Variants in EPS8L1 observed in about 807,000 individuals in gnomAD.
The protein encoded by EPS8L1 is EPS8 signaling adaptor L1, also known as epidermal growth factor receptor kinase substrate 8-like protein 1.
In EPS8L1, 101 loss-of-function variants were observed where a neutral mutation model predicts 91.7. That is an observed-to-expected ratio of 1.10 (90% CI 0.94 to 1.30). The LOEUF (loss-of-function observed/expected upper bound fraction) is 1.30. EPS8L1 is among the 50% of genes most tolerant of loss of function. The pLI is 0.00. For missense variants in EPS8L1, 1,114 were observed against 1,017.0 expected (o/e 1.10, Z -1.30); for synonymous variants, 506 against 445.3 (o/e 1.14, Z -1.72).
chr19:55,082,239 G>A (rs370263139), intron 10 of EPS8L1, 36 bp from the exon 11 acceptor site: 10 of 1,601,638 alleles, frequency 6.2e-6, no homozygotes, highest in Non-Finnish European at 8.5e-6. Flanking sequence ...TCCCGTCCCC[G>A]CACCCACGCC....
Position 55,080,787 on chromosome 19 carries a change from GAGGACATCC to G in EPS8L1, c.449_457del (p.Asp150_Gln152del). On this transcript the variant is annotated inframe_deletion, in exon 7 of 20. Coordinates refer to ENST00000201647, the MANE Select transcript of EPS8L1 (RefSeq NM_133180.3). Reference sequence around the variant, plus strand: ...TGATTGGCAGGCGGAGCTGATCCGAGAGGACATCCAGGGGGCTCTGCACAATTACCGCTC... The same window carrying G: ...TGATTGGCAGGCGGAGCTGATCCGAGAGGGGGCTCTGCACAATTACCGCTC... The G allele has an allele frequency of 6.2e-7, 1 of 1,610,654 alleles. No homozygotes were observed. Among genetic ancestry groups the G allele is most frequent in the Non-Finnish European group, 8.5e-7 (1 of 1,178,658 alleles).
At chr19:55,076,846 G>A (rs778052025) in intron 2 of EPS8L1, among the ~76,000 whole-genome samples, 3 of 152,222 alleles carry the variant, frequency 2.0e-5, no homozygotes, top group African/African-American at 4.8e-5. Flanking sequence ...CATAGGAGTC[G>A]CTATTGCGAT....
intron 18 of EPS8L1, 109 bp downstream of exon 18, chr19:55,086,997 C>A: frequency 7.4e-7 from 1 of 1,346,408 alleles, no homozygotes; most frequent in Non-Finnish European, 9.7e-7. Context: ...CACAGGGAGC[C>A]GGGATTAGCC....
chr19:55,076,231 A>G, intron 1 of EPS8L1, 177 bp from the exon 2 acceptor site: 1 of 438,428 alleles, frequency 2.3e-6, no homozygotes, highest in Non-Finnish European at 4.0e-6. Flanking sequence ...TCCTGGGTCT[A>G]GGGAAGAGGG....
rs1453160657 is a variant in EPS8L1, at chr19:55,079,716, G to A, written c.144G>A (p.Glu48=). The change falls in exon 5 of 20, where the codon GAG becomes GAA. Residue 48 remains glutamate, a synonymous_variant. Transcript: ENST00000201647. The stretch of plus-strand genomic sequence containing the variant: ...ACCTGGTGACGTTCTGCCTGGGTGA[G>A]GACGATGGCGTGCATACCGTGGAGG... ...VNHLVTFCLG[E]DDGVHTVEDA... is the part of the protein sequence containing the mutation. 1 of 1,614,136 alleles carries A rather than the reference G, an allele frequency of 6.2e-7. No individual in the cohort carries two copies. The highest frequency in any genetic ancestry group is 2.2e-5 in the East Asian group (1 of 44,884).
chr19:55,087,478 TGAC>T (rs750994668), intron 19 of EPS8L1, 43 bp downstream of exon 19: 5 of 1,613,924 alleles, frequency 3.1e-6, no homozygotes, highest in Non-Finnish European at 3.4e-6. Flanking sequence ...AGGGTTGGGA[TGAC>T]GAGGGCTCGG....
Position 55,087,714 on chromosome 19 carries a change from A to C in EPS8L1, c.*100A>C. On this transcript the variant is annotated 3_prime_UTR_variant, in exon 20 of 20. Coordinates refer to ENST00000201647, the MANE Select transcript of EPS8L1 (RefSeq NM_133180.3). Reference sequence around the variant, plus strand: ...GAAGTCGATCTTCTGAAGGATGGCCAATCTGCTCCGGCCCTGGTCTTCCCC... The same window carrying C: ...GAAGTCGATCTTCTGAAGGATGGCCCATCTGCTCCGGCCCTGGTCTTCCCC... 2.4e-6 allele frequency: 3 copies of C among 1,246,008 alleles called. No homozygotes were observed. The highest frequency in any genetic ancestry group is 1.2e-6 in the Non-Finnish European group (1 of 867,464). 77.2% of individuals were successfully genotyped at this position (1,246,008 alleles called of 1,614,324 possible).
Position 55,085,822 on chromosome 19 carries a change from C to T in EPS8L1, c.1386-19C>T. 6.2e-7 allele frequency: 1 copy of T among 1,606,372 alleles called. No homozygotes were observed. Among genetic ancestry groups the T allele is most frequent in the Non-Finnish European group, 8.5e-7 (1 of 1,175,100 alleles). Reference sequence around the variant, plus strand: ...GGGCTGGCTGCCTCCTTATCTCCAACCCTCCCGCTTCTCCTCAGTCACCGA... The same window carrying T: ...GGGCTGGCTGCCTCCTTATCTCCAATCCTCCCGCTTCTCCTCAGTCACCGA... On this transcript the variant is annotated intron_variant, in intron 14 of 19. Coordinates refer to ENST00000201647, the MANE Select transcript of EPS8L1 (RefSeq NM_133180.3).
intron 4 of EPS8L1, 91 bp downstream of exon 4, chr19:55,079,148 G>A (rs1051738562): frequency 3.0e-6 from 4 of 1,355,284 alleles, no homozygotes; most frequent in Non-Finnish European, 2.1e-6. Context: ...AGGCCCCCAA[G>A]CAGGAAGCAT....
Position 55,086,926 on chromosome 19 carries a change from C to A in EPS8L1, c.1952+38C>A, listed in dbSNP as rs540410981. The A allele has an allele frequency of 6.4e-4, 905 of 1,405,890 alleles. 4 individuals are homozygous for A. Among genetic ancestry groups the A allele is most frequent in the Admixed American group, 2.1e-3 (60 of 28,640 alleles). The allele number at this position is 1,405,890 out of a possible 1,614,324, so 87.1% of individuals were successfully genotyped here. A position where few individuals can be genotyped will look rare whatever the true frequency, so the allele number is the denominator to read the frequency against. ...GGGGCCCTCTCGGCGCGGGTTGATACGGACGCTGGGAGCGGAGCGTTCCGA... is the reference window on the plus strand; with the variant it reads ...GGGGCCCTCTCGGCGCGGGTTGATAAGGACGCTGGGAGCGGAGCGTTCCGA... On this transcript the variant is annotated intron_variant, in intron 18 of 19. Transcript: ENST00000201647.
Position 55,081,932 on chromosome 19 carries a change from C to T in EPS8L1, c.901+33C>T, listed in dbSNP as rs908563456. On this transcript the variant is annotated intron_variant, in intron 9 of 19. Coordinates refer to ENST00000201647, the MANE Select transcript of EPS8L1 (RefSeq NM_133180.3). This position sits in a 1 kb window ranked among gnomAD's most constrained non-coding sequence, Gnocchi z 4.9. ...GCACCCTGGCGTGGGATCTGAACCC[C>T]CTCCCGATCTCTTCCAAATGTCCCC... is the stretch of plus-strand genomic sequence containing the variant. 1 of 1,596,974 alleles carries T rather than the reference C, an allele frequency of 6.3e-7. No homozygotes were observed. The highest frequency in any genetic ancestry group is 8.5e-7 in the Non-Finnish European group (1 of 1,171,240).
At position 55,080,293 on chromosome 19, in the gene EPS8L1, T is replaced by C. The variant is rs1398010132; in HGVS notation, c.429+15T>C. 2.6e-6 allele frequency: 4 copies of C among 1,533,834 alleles called. No individual in the cohort carries two copies. The highest frequency in any genetic ancestry group is 4.0e-5 in the Admixed American group (2 of 49,940). On this transcript the variant is annotated intron_variant, in intron 6 of 19. Coordinates refer to ENST00000201647, the MANE Select transcript of EPS8L1 (RefSeq NM_133180.3). Reference sequence around the variant, plus strand: ...TGCGCCTCGGGGTGAGCAGATGGGCTGGCTCTGGGGGTGGAGCTGGAACTG... The same window carrying C: ...TGCGCCTCGGGGTGAGCAGATGGGCCGGCTCTGGGGGTGGAGCTGGAACTG...
chr19:55,083,783 T>TGGGGC lies in EPS8L1; in HGVS notation c.1385+143_1385+147dup, dbSNP rs1568794436. ...TCTTCTCAGGTGGGTGAGATGGTGA[T>TGGGGC]GGGGCGGGCCGGGGCTGGGAGAGAG... On this transcript the variant is annotated intron_variant, in intron 14 of 19. Transcript: ENST00000201647. This position sits in a 1 kb window ranked among gnomAD's most constrained non-coding sequence, Gnocchi z 4.7. The TGGGGC allele has an allele frequency of 7.9e-6, 2 of 254,334 alleles. No individual in the cohort carries two copies. Among genetic ancestry groups the TGGGGC allele is most frequent in the East Asian group, 4.4e-4 (2 of 4,588 alleles). The allele number at this position is 254,334 out of a possible 1,614,324, so 15.8% of individuals were successfully genotyped here.
chr19:55,077,867 G>T (rs887802896), intron 2 of EPS8L1, among the ~76,000 whole-genome samples: 1 of 150,514 alleles, frequency 6.6e-6, no homozygotes, highest in African/African-American at 2.4e-5. Flanking sequence ...GATTACAGGC[G>T]TGAGCCACCG....
At chr19:55,084,211 C>T (rs192470085) in intron 14 of EPS8L1, 5 of 173,884 alleles carry the variant, frequency 2.9e-5, no homozygotes, top group Admixed American at 1.7e-4. Context: ...AAAGGCTGGA[C>T]GATTAAACTC....
chr19:55,086,355 C>A, intron 16 of EPS8L1, 37 bp from the exon 17 acceptor site: 1 of 1,599,010 alleles, frequency 6.3e-7, no homozygotes. Flanking sequence ...TCTGAGTCCT[C>A]TCCCTAACCC....
At chr19:55,079,339 G>C (rs1468496283) in intron 4 of EPS8L1, among the ~76,000 whole-genome samples, 1 of 152,202 alleles carries the variant, frequency 6.6e-6, no homozygotes, top group Non-Finnish European at 1.5e-5. Context: ...GGAAGGGGTA[G>C]ACAAGGTCCA....
chr19:55,087,253 C>G (rs766827654), intron 18 of EPS8L1, 50 bp from the exon 19 acceptor site: 1 of 1,547,572 alleles, frequency 6.5e-7, no homozygotes, highest in Non-Finnish European at 8.7e-7. Context: ...ATTGTCCGGG[C>G]TGGGGCATCC....
At position 55,076,393 on chromosome 19, in the gene EPS8L1, T is replaced by C; in HGVS notation, c.-37-15T>C. On this transcript the variant is annotated splice_polypyrimidine_tract_variant and intron_variant, in intron 1 of 19. Coordinates refer to ENST00000201647, the MANE Select transcript of EPS8L1 (RefSeq NM_133180.3). ...CTCCTACTGGCCAGGCCTTCACATGTTTGCTGGCTCCCAGGGCACCTCCAG... is the reference window on the plus strand; with the variant it reads ...CTCCTACTGGCCAGGCCTTCACATGCTTGCTGGCTCCCAGGGCACCTCCAG... The C allele has an allele frequency of 6.2e-7, 1 of 1,607,798 alleles. No individual in the cohort carries two copies. The highest frequency in any genetic ancestry group is 8.5e-7 in the Non-Finnish European group (1 of 1,176,852).
Sources: gnomAD v4.1 joint callset for allele counts (sites outside exome capture counted in the v4.1 genomes callset) on GRCh38, gnomAD v4.1.1 for gene constraint, Gnocchi (gnomAD v3.1) non-coding constraint, MANE v1.5 for transcripts, NCBI Gene and HGNC (gene_info 2026-07-23, HGNC 2026-07-21) for gene names.